The following ARHGEF28 variants were observed in gnomAD, a reference collection of about 807,000 sequenced individuals.
ARHGEF28 encodes Rho guanine nucleotide exchange factor 28.
A neutral mutation model predicts 206.6 loss-of-function variants in ARHGEF28; 152 were observed. That is an observed-to-expected ratio of 0.74 (90% confidence interval 0.64 to 0.84). The LOEUF is 0.84. ARHGEF28 is among the 40% of genes least tolerant of loss of function. The pLI, the probability that ARHGEF28 is intolerant of heterozygous loss-of-function variation, is 0.00. For missense variants in ARHGEF28, 2,028 were observed against 2,073.2 expected, an observed-to-expected ratio of 0.98 and a Z score of 0.42; for synonymous variants, 763 against 776.4, an observed-to-expected ratio of 0.98 and a Z score of 0.29.
chr5:73,838,192 A>G (rs958812810), intron 10 of ARHGEF28, among the ~76,000 whole-genome samples: 13 of 152,376 alleles, frequency 8.5e-5, no homozygotes, highest in Middle Eastern at 3.4e-3. Flanking sequence ...CAAGTTGTGC[A>G]TTGTAAACTG....
chr5:73,675,349 C>A (rs558267744), intron 1 of ARHGEF28, among the ~76,000 whole-genome samples: 96 of 152,216 alleles, frequency 6.3e-4, no homozygotes, highest in African/African-American at 2.3e-3. Context: ...TAATGTGAAT[C>A]TCCTTAAAAT....
Position 73,885,874 on chromosome 5 carries a change from T to TA in ARHGEF28, c.3081dup (p.Arg1028ThrfsTer8), listed in dbSNP as rs1199124715. 1.9e-6 allele frequency: 3 copies of TA among 1,612,662 alleles called. No individual in the cohort carries two copies. Among genetic ancestry groups the TA allele is most frequent in the East Asian group, 2.2e-5 (1 of 44,864 alleles). On this transcript the variant is annotated frameshift_variant, in exon 25 of 36. Coordinates refer to ENST00000513042, the MANE Select transcript of ARHGEF28 (RefSeq NM_001177693.2). LOFTEE classifies it high-confidence loss of function. ...GAAAGAACTGAGGAACATAAAGACTTACGCAAAGCGCTTTGCTTAATTAAA... is the reference window on the plus strand; with the variant it reads ...GAAAGAACTGAGGAACATAAAGACTTAACGCAAAGCGCTTTGCTTAATTAAA...
At chr5:73,926,823 T>C (rs1449746324) in intron 35 of ARHGEF28, among the ~76,000 whole-genome samples, 4 of 152,230 alleles carry the variant, frequency 2.6e-5, no homozygotes, top group Non-Finnish European at 5.9e-5. Context: ...TACTTGTCTG[T>C]GTATTTCTGC....
chr5:73,933,170 G>A (rs981725657), intron 35 of ARHGEF28, among the ~76,000 whole-genome samples: 3 of 152,118 alleles, frequency 2.0e-5, no homozygotes, highest in Non-Finnish European at 4.4e-5. Context: ...TTAAAAGACT[G>A]GAGAATAGAA....
chr5:73,847,354 A>G (rs1342526825), intron 12 of ARHGEF28, among the ~76,000 whole-genome samples: 1 of 152,090 alleles, frequency 6.6e-6, no homozygotes, highest in Non-Finnish European at 1.5e-5. Flanking sequence ...TTATTTTTTG[A>G]GTAGATGAGA....
intron 21 of ARHGEF28, 34 bp downstream of exon 21, chr5:73,870,243 C>A: frequency 1.3e-6 from 2 of 1,588,234 alleles, no homozygotes. Flanking sequence ...TGGGTTGAAG[C>A]AGTGCGGTTC....
At chr5:73,817,499 C>T (rs1756294267) in intron 9 of ARHGEF28, among the ~76,000 whole-genome samples, 1 of 152,114 alleles carries the variant, frequency 6.6e-6, no homozygotes. Context: ...GGTGAAGAAA[C>T]TGAGGCTGAG....
chr5:73,725,250 T>C (rs894184915), intron 2 of ARHGEF28, among the ~76,000 whole-genome samples: 2 of 152,166 alleles, frequency 1.3e-5, no homozygotes, highest in African/African-American at 4.8e-5. Context: ...GGCAGACTGA[T>C]AGAGGAGATA....
intron 9 of ARHGEF28, among the ~76,000 whole-genome samples, chr5:73,826,233 T>G (rs749362932): frequency 3.3e-5 from 5 of 152,210 alleles, no homozygotes; most frequent in Non-Finnish European, 5.9e-5. Context: ...TTGAAGGTCT[T>G]TGGTGACCAT....
intron 16 of ARHGEF28, among the ~76,000 whole-genome samples, chr5:73,861,746 G>A (rs1759416446): frequency 6.6e-6 from 1 of 151,824 alleles, no homozygotes; most frequent in Non-Finnish European, 1.5e-5. Flanking sequence ...CACATATTTG[G>A]TGATTGCCTA....
At position 73,923,162 on chromosome 5, in the gene ARHGEF28, A is replaced by G. The variant is rs757451831; in HGVS notation, c.4948+11587A>G. On this transcript the variant is annotated intron_variant, in intron 35 of 35. Coordinates refer to ENST00000513042, the MANE Select transcript of ARHGEF28 (RefSeq NM_001177693.2). ...TGGACTGGAACCACATCTACTTTGA[A>G]AGGTAATACTGCAAGGGGGGTGCTT... 5 of 1,535,442 alleles carry G rather than the reference A, an allele frequency of 3.3e-6. No homozygotes were observed. The South Asian group carries it at 6.0e-5, about 18-fold the overall frequency.
chr5:73,701,504 G>A (rs767492035), intron 2 of ARHGEF28, among the ~76,000 whole-genome samples: 8 of 152,074 alleles, frequency 5.3e-5, no homozygotes, highest in Non-Finnish European at 5.9e-5. Flanking sequence ...TTAAAAATGG[G>A]GGTGCAGAAT....
intron 4 of ARHGEF28, among the ~76,000 whole-genome samples, chr5:73,762,602 T>C (rs1580583525): frequency 1.3e-5 from 2 of 152,198 alleles, no homozygotes; most frequent in East Asian, 3.8e-4. Context: ...CATGAGTCAA[T>C]TCCTGATTTT....
In ARHGEF28 at chr5:73,820,868, C is replaced by T. The variant is rs148816110; in HGVS notation, c.1025-11470C>T. The stretch of plus-strand genomic sequence containing the variant: ...CCTGGCCCTGCTGCTTGACCTTTTT[C>T]TTCCTGCAAGTGTGCTTGGTAATGG... On this transcript the variant is annotated intron_variant, in intron 9 of 35. Coordinates refer to ENST00000513042, the MANE Select transcript of ARHGEF28 (RefSeq NM_001177693.2). Among the ~76,000 whole-genome samples, 5 of 152,244 alleles carry T rather than the reference C, an allele frequency of 3.3e-5. No homozygotes were observed. The East Asian group carries it at 9.7e-4, about 29-fold the overall frequency.
At chr5:73,758,001 A>G (rs1018969951) in intron 4 of ARHGEF28, among the ~76,000 whole-genome samples, 4 of 152,112 alleles carry the variant, frequency 2.6e-5, no homozygotes, top group African/African-American at 7.2e-5. Flanking sequence ...TGATGCTCAG[A>G]TGACTTTGGA....
At chr5:73,846,624 C>G in intron 12 of ARHGEF28, 149 bp downstream of exon 12, 1 of 708,286 alleles carries the variant, frequency 1.4e-6, no homozygotes, top group Middle Eastern at 4.1e-4. Flanking sequence ...TTGAGTCTGT[C>G]TTTTTAATCT....
rs114719468 is a variant in ARHGEF28 at position 73,906,237 on chromosome 5, T to A, written c.4161+1832T>A. On this transcript the variant is annotated intron_variant, in intron 33 of 35. Transcript: ENST00000513042. ...TATCCTTCCACAAGAGCTTTTATTTTTTTATTTATTTATTTTTTTGAGACA... is the reference window on the plus strand; with the variant it reads ...TATCCTTCCACAAGAGCTTTTATTTATTTATTTATTTATTTTTTTGAGACA... Among the ~76,000 whole-genome samples, 976 of 152,316 alleles carry A rather than the reference T, an allele frequency of 6.4e-3. 9 individuals are homozygous for A. Among genetic ancestry groups the A allele is most frequent in the African/African-American group, 0.018 (730 of 41,564 alleles).
At chr5:73,837,335 C>T (rs2112569446) in intron 10 of ARHGEF28, among the ~76,000 whole-genome samples, 1 of 152,216 alleles carries the variant, frequency 6.6e-6, no homozygotes, top group Admixed American at 6.5e-5. Context: ...AATCCATGAA[C>T]ATAGGATATC....
chr5:73,638,185 T>C lies in ARHGEF28; in HGVS notation c.-12+11863T>C, dbSNP rs528261877. 2.0e-5 allele frequency among the ~76,000 whole-genome samples: 3 copies of C among 152,368 alleles called. No homozygotes were observed. In the South Asian group the frequency reaches 6.2e-4, roughly 32 times the overall value. ...TTTAAAACCCTTTCAAAGTTGGGCT[T>C]ATAAATAAATATTTACTGTAGCTAT... On this transcript the variant is annotated intron_variant, in intron 1 of 35. Transcript: ENST00000513042.
Sources: gnomAD v4.1 joint callset for allele counts (sites outside exome capture counted in the v4.1 genomes callset) on GRCh38, gnomAD v4.1.1 for gene constraint, MANE v1.5 for transcripts, NCBI Gene and HGNC (gene_info 2026-07-23, HGNC 2026-07-21) for gene names.